The following PPFIA1 variants were observed in gnomAD, a reference collection of about 807,000 sequenced individuals.
PPFIA1 encodes the protein PPFI scaffold protein A1, also known as liprin-alpha-1.
A neutral mutation model predicts 149.9 loss-of-function variants in PPFIA1; 25 were observed. The ratio of observed to expected loss-of-function variants is 0.17; its 90% confidence interval spans 0.12 to 0.23. PPFIA1 has a LOEUF of 0.23. Among genes scored for constraint, PPFIA1 ranks in the 10% least tolerant of loss-of-function variants. The probability of loss-of-function intolerance (pLI) is 1.00; values close to 1 mark genes in which losing one functional copy is unlikely to be tolerated. For missense variants in PPFIA1, 1,362 were observed against 1,506.5 expected (o/e 0.90, Z 1.59); for synonymous variants, 549 against 552.8 (o/e 0.99, Z 0.10).
chr11:70,270,805 G>A lies in PPFIA1; in HGVS notation c.-110G>A, dbSNP rs1159650813. ...CCGGGGCCGCGGCGTGGGGCGGGCAGGCGGACGCCGGCCGCGGGCTGCTTT... is the reference window on the plus strand; with the variant it reads ...CCGGGGCCGCGGCGTGGGGCGGGCAAGCGGACGCCGGCCGCGGGCTGCTTT... On this transcript the variant is annotated 5_prime_UTR_variant, in exon 1 of 28. Coordinates refer to ENST00000253925, the MANE Select transcript of PPFIA1 (RefSeq NM_003626.5). 1 of 149,866 alleles carries A rather than the reference G, an allele frequency of 6.7e-6. No homozygotes were observed. Among genetic ancestry groups the A allele is most frequent in the East Asian group, 2.0e-4 (1 of 5,088 alleles). The allele number at this position is 149,866 out of a possible 1,614,324, so 9.3% of individuals were successfully genotyped here.
intron 21 of PPFIA1, among the ~76,000 whole-genome samples, chr11:70,370,218 T>C (rs539247382): frequency 1.7e-3 from 258 of 152,246 alleles, no homozygotes; most frequent in Non-Finnish European, 2.2e-3. Context: ...TTTTGTCTTA[T>C]CTAGTCCGGC....
intron 16 of PPFIA1, among the ~76,000 whole-genome samples, chr11:70,353,877 G>A (rs2056209588): frequency 6.6e-6 from 1 of 152,198 alleles, no homozygotes; most frequent in South Asian, 2.1e-4. Flanking sequence ...AAGGACATCA[G>A]GAGATAAACG....
intron 2 of PPFIA1, among the ~76,000 whole-genome samples, chr11:70,323,959 T>C (rs1226145248): frequency 1.3e-5 from 2 of 152,206 alleles, no homozygotes; most frequent in African/African-American, 4.8e-5. Flanking sequence ...TGAGACCCTG[T>C]CTCAGAAAGA....
intron 2 of PPFIA1, among the ~76,000 whole-genome samples, chr11:70,302,071 T>C (rs2052521928): frequency 6.6e-6 from 1 of 152,156 alleles, no homozygotes; most frequent in Non-Finnish European, 1.5e-5. Context: ...GGCTGTGCAG[T>C]GGCACAGTAG....
At chr11:70,305,550 T>A (rs1041763784) in intron 2 of PPFIA1, among the ~76,000 whole-genome samples, 3 of 152,148 alleles carry the variant, frequency 2.0e-5, no homozygotes, top group Non-Finnish European at 4.4e-5. Context: ...TTTTTAATTT[T>A]TGTAGAGATG....
intron 17 of PPFIA1, 108 bp downstream of exon 17, chr11:70,354,560 C>T (rs758952614): frequency 1.6e-6 from 2 of 1,213,824 alleles, no homozygotes; most frequent in South Asian, 3.2e-5. Context: ...TGTAGAATTA[C>T]CCATTAATTC....
At position 70,383,197 on chromosome 11, in the gene PPFIA1, T is replaced by C. The variant is rs2057773038; in HGVS notation, c.*207T>C. On this transcript the variant is annotated 3_prime_UTR_variant, in exon 28 of 28. Transcript: ENST00000253925. ...ATATTTTAGAATTTAATGTTTCTTATATTTATGTAAACTTATGACTCTTCA... is the reference window on the plus strand; with the variant it reads ...ATATTTTAGAATTTAATGTTTCTTACATTTATGTAAACTTATGACTCTTCA... 1 of 328,444 alleles carries C rather than the reference T, an allele frequency of 3.0e-6. No homozygotes were observed. The highest frequency in any genetic ancestry group is 5.7e-6 in the Non-Finnish European group (1 of 176,874). The allele number at this position is 328,444 out of a possible 1,614,324, so 20.3% of individuals were successfully genotyped here.
intron 14 of PPFIA1, among the ~76,000 whole-genome samples, chr11:70,342,829 A>G (rs1009020591): frequency 1.3e-5 from 2 of 151,010 alleles, no homozygotes; most frequent in Non-Finnish European, 2.9e-5. Context: ...ATACATTCGT[A>G]TAATTAAATC....
At chr11:70,376,487 T>G (rs1026736689) in intron 24 of PPFIA1, 45 bp from the exon 25 acceptor site, 2 of 1,548,206 alleles carry the variant, frequency 1.3e-6, no homozygotes, top group Non-Finnish European at 1.8e-6. Flanking sequence ...ACCCTTCAAA[T>G]TAGATTTGAT....
intron 2 of PPFIA1, among the ~76,000 whole-genome samples, chr11:70,303,895 A>T (rs1426914375): frequency 6.6e-6 from 1 of 151,898 alleles, no homozygotes; most frequent in Non-Finnish European, 1.5e-5. Flanking sequence ...AATCCCAGCT[A>T]CTCCGGAGGC....
intron 2 of PPFIA1, among the ~76,000 whole-genome samples, chr11:70,293,940 C>CT (rs1452226956): frequency 3.4e-5 from 4 of 117,066 alleles, no homozygotes; most frequent in Admixed American, 1.7e-4. Flanking sequence ...CTCTCTCTCT[C>CT]TCTTTTTTTT....
At chr11:70,382,302 C>T (rs1241670268) in intron 27 of PPFIA1, 144 bp downstream of exon 27, 3 of 529,986 alleles carry the variant, frequency 5.7e-6, no homozygotes, top group Non-Finnish European at 1.0e-5. Context: ...CACAAGCTCT[C>T]CGTACCCATT....
chr11:70,293,942 C>CTTTTTT (rs35307008), intron 2 of PPFIA1, among the ~76,000 whole-genome samples: 2 of 128,140 alleles, frequency 1.6e-5, no homozygotes, highest in African/African-American at 3.0e-5. Context: ...CTCTCTCTCT[C>CTTTTTT]TTTTTTTTTT....
intron 5 of PPFIA1, 39 bp downstream of exon 5, chr11:70,325,613 G>GA (rs756453091): frequency 2.2e-5 from 31 of 1,427,400 alleles, no homozygotes; most frequent in Non-Finnish European, 3.0e-5. Flanking sequence ...ATTGGGGGGG[G>GA]GTTATTTTTA....
intron 16 of PPFIA1, chr11:70,351,015 C>T (rs1161037980): frequency 8.0e-7 from 1 of 1,252,256 alleles, no homozygotes; most frequent in Non-Finnish European, 1.0e-6. Flanking sequence ...AAGGAAACAT[C>T]GTAGAAAGGT....
chr11:70,279,455 A>G (rs1338020500), intron 2 of PPFIA1, among the ~76,000 whole-genome samples: 1 of 151,970 alleles, frequency 6.6e-6, no homozygotes, highest in Non-Finnish European at 1.5e-5. Flanking sequence ...AAAACTTGGT[A>G]TTTGTTGTAT....
At chr11:70,360,849 A>G (rs2056606920) in intron 19 of PPFIA1, among the ~76,000 whole-genome samples, 1 of 152,246 alleles carries the variant, frequency 6.6e-6, no homozygotes, top group Non-Finnish European at 1.5e-5. Context: ...CAGCCTAGGG[A>G]TGTTTGAATG....
At chr11:70,306,357 C>G (rs145260464) in intron 2 of PPFIA1, among the ~76,000 whole-genome samples, 6 of 152,226 alleles carry the variant, frequency 3.9e-5, no homozygotes, top group Non-Finnish European at 8.8e-5. Flanking sequence ...GTACGTAACC[C>G]TTTGACGCAG....
intron 19 of PPFIA1, chr11:70,358,436 T>C (rs556401700): frequency 6.6e-6 from 1 of 152,292 alleles, no homozygotes; most frequent in Admixed American, 6.5e-5. Flanking sequence ...TTGGCCAGGC[T>C]TGTTTCGAAT....
Sources: allele counts gnomAD v4.1 joint callset (sites outside exome capture counted in the v4.1 genomes callset), GRCh38; gene constraint gnomAD v4.1.1; transcripts MANE v1.5; gene names NCBI Gene and HGNC (gene_info 2026-07-23, HGNC 2026-07-21).